The following ZNF292 variants were observed in gnomAD, a reference collection of about 807,000 sequenced individuals.
The protein encoded by ZNF292 is 16 zinc-finger domain protein.
Under a neutral mutation model 217.9 loss-of-function variants are expected in ZNF292, and 26 were observed. The ratio of observed to expected loss-of-function variants is 0.12; its 90% CI spans 0.09 to 0.17. The LOEUF (loss-of-function observed/expected upper bound fraction) is 0.17, where lower values mean the gene tolerates loss of function less well. Ranked by LOEUF, ZNF292 falls within the 10% of genes least tolerant of loss-of-function variation. The pLI is 1.00. For synonymous variants in ZNF292, 1,257 were observed against 1,124.1 expected, an observed-to-expected ratio of 1.12 and a Z score of -2.37; for missense variants, 2,904 against 3,175.2, an observed-to-expected ratio of 0.91 and a Z score of 2.05.
At chr6:87,192,536 C>G (rs1017074250) in intron 1 of ZNF292, among the ~76,000 whole-genome samples, 7 of 152,138 alleles carry the variant, frequency 4.6e-5, no homozygotes, top group Non-Finnish European at 1.0e-4. Context: ...CTTCCACATA[C>G]CCAGACCCCT....
intron 5 of ZNF292, among the ~76,000 whole-genome samples, chr6:87,242,455 C>T (rs1174190684): frequency 6.6e-6 from 1 of 152,152 alleles, no homozygotes; most frequent in Non-Finnish European, 1.5e-5. Flanking sequence ...CCCGCATTCT[C>T]CATTTACATG....
At chr6:87,170,447 A>T (rs1293642833) in intron 1 of ZNF292, 3 of 152,228 alleles carry the variant, frequency 2.0e-5, no homozygotes, top group Non-Finnish European at 2.9e-5. Context: ...TTCTTTAGTA[A>T]TTAAGAATTA....
intron 1 of ZNF292, among the ~76,000 whole-genome samples, chr6:87,160,904 A>G (rs1332761831): frequency 6.6e-6 from 1 of 152,166 alleles, no homozygotes; most frequent in Admixed American, 6.5e-5. Flanking sequence ...AACAAATGAA[A>G]GCGTAATTCC....
At chr6:87,174,628 AG>A (rs1261772620) in intron 1 of ZNF292, among the ~76,000 whole-genome samples, 1 of 152,038 alleles carries the variant, frequency 6.6e-6, no homozygotes, top group Non-Finnish European at 1.5e-5. Flanking sequence ...CTTGTCCTAG[AG>A]TCATAATAAA....
Position 87,256,507 on chromosome 6 carries a change from G to A in ZNF292, c.2878G>A (p.Glu960Lys), listed in dbSNP as rs775690745. 8.1e-6 allele frequency: 13 copies of A among 1,612,454 alleles called. No homozygotes were observed. The highest frequency in any genetic ancestry group is 1.1e-5 in the Non-Finnish European group (13 of 1,179,830). The change falls in exon 8 of 8, where the codon GAA becomes AAA. Residue 960 changes from glutamate (E) to lysine (K), a missense_variant. Glu to Lys is a moderately conservative substitution (Grantham distance 56, BLOSUM62 1). Around this residue, in one of 15 missense-constraint regions of ZNF292, gnomAD observed 687 missense variants for 623.0 expected, o/e 1.10. Transcript: ENST00000369577. ...NFGKQENSTV[E>K]GSGEALVTDL... ...TGGAAAGCAAGAAAACTCAACTGTG[G>A]AAGGCAGTGGTGAAGCACTGGTCAC...
chr6:87,210,615 A>G lies in ZNF292; in HGVS notation c.169-5288A>G, dbSNP rs149510831. 9.7e-3 allele frequency among the ~76,000 whole-genome samples: 1,475 copies of G among 152,158 alleles called. 18 individuals are homozygous for G. The highest frequency in any genetic ancestry group is 0.034 in the African/African-American group (1,392 of 41,494). On this transcript the variant is annotated intron_variant, in intron 1 of 7. Transcript: ENST00000369577. Reference sequence around the variant, plus strand: ...GCTGACAAGGTGAAACGCCGTCTCTACTAAAAATACAAAAAGTAGCCAGGC... The same window carrying G: ...GCTGACAAGGTGAAACGCCGTCTCTGCTAAAAATACAAAAAGTAGCCAGGC...
intron 4 of ZNF292, among the ~76,000 whole-genome samples, chr6:87,232,287 C>T (rs558014499): frequency 1.3e-5 from 2 of 152,128 alleles, no homozygotes; most frequent in South Asian, 4.1e-4. Flanking sequence ...AATGAAAGTA[C>T]TAGAGGGAAA....
In ZNF292 at chr6:87,157,791, C is replaced by T. The variant is rs185164741; in HGVS notation, c.168+2032C>T. The stretch of plus-strand genomic sequence containing the variant: ...GCAGCCTCCATCTCCTGGGTTCAAG[C>T]GATTTTCCTGCCTCAGCTTCCCAAG... On this transcript the variant is annotated intron_variant, in intron 1 of 7. Transcript: ENST00000369577. Among the ~76,000 whole-genome samples, 39 of 152,286 alleles carry T rather than the reference C, an allele frequency of 2.6e-4. No individual in the cohort carries two copies. In the East Asian group the frequency reaches 6.2e-3, roughly 24 times the overall value.
At chr6:87,233,935 C>T (rs1314857531) in intron 5 of ZNF292, among the ~76,000 whole-genome samples, 2 of 152,106 alleles carry the variant, frequency 1.3e-5, no homozygotes, top group Non-Finnish European at 2.9e-5. Flanking sequence ...AATACTTTGT[C>T]ATATAAATTC....
intron 5 of ZNF292, among the ~76,000 whole-genome samples, chr6:87,237,563 T>G (rs1193286822): frequency 6.6e-6 from 1 of 152,186 alleles, no homozygotes; most frequent in Non-Finnish European, 1.5e-5. Flanking sequence ...TGAAATGTGA[T>G]TACAGCCAAT....
chr6:87,215,294 T>G (rs532132822), intron 1 of ZNF292, among the ~76,000 whole-genome samples: 1 of 152,204 alleles, frequency 6.6e-6, no homozygotes, highest in South Asian at 2.1e-4. Flanking sequence ...TATTTTTAAT[T>G]AAAAAAACAC....
At chr6:87,160,507 G>GTGTGTGTGTGTT (rs1168974002) in intron 1 of ZNF292, among the ~76,000 whole-genome samples, 1 of 127,978 alleles carries the variant, frequency 7.8e-6, no homozygotes, top group African/African-American at 2.8e-5. Context: ...GTGTGTGTGT[G>GTGTGTGTGTGTT]TGTGTGTATA....
chr6:87,202,971 A>G (rs529745565), intron 1 of ZNF292, among the ~76,000 whole-genome samples: 1 of 152,206 alleles, frequency 6.6e-6, no homozygotes, highest in East Asian at 1.9e-4. Flanking sequence ...GTATATGTAG[A>G]GTTCACTACT....
In ZNF292 at chr6:87,259,308, A is replaced by C. The variant is rs201065528; in HGVS notation, c.5679A>C (p.Gln1893His). The C allele has an allele frequency of 6.2e-7, 1 of 1,613,628 alleles. No individual in the cohort carries two copies. The change falls in exon 8 of 8, where the codon CAA becomes CAC. Residue 1893 changes from glutamine to histidine, a missense_variant. Transcript: ENST00000369577. ...CAGTTTCTGAAATGATAAACATTCA[A>C]TTTAATGACAAAGTTAATAAACCCT... ...IQPVSEMINI[Q>H]FNDKVNKPFV... is the part of the protein sequence containing the mutation.
intron 1 of ZNF292, among the ~76,000 whole-genome samples, chr6:87,213,117 A>G (rs1184491065): frequency 6.6e-6 from 1 of 152,176 alleles, no homozygotes; most frequent in Non-Finnish European, 1.5e-5. Flanking sequence ...GGGGAATTCA[A>G]TGGACTTGAA....
Position 87,261,275 on chromosome 6 carries a change from A to C in ZNF292, c.7646A>C (p.Lys2549Thr), listed in dbSNP as rs766901551. 9 of 1,611,514 alleles carry C rather than the reference A, an allele frequency of 5.6e-6. No individual in the cohort carries two copies. In the Admixed American group the frequency reaches 1.3e-4, roughly 24 times the overall value. The change falls in exon 8 of 8, where the codon AAA becomes ACA. Residue 2549 changes from lysine to threonine, a missense_variant. This residue lies in a region of ZNF292 where 380 missense variants were observed against 355.3 expected (regional missense o/e 1.07). Coordinates refer to ENST00000369577, the MANE Select transcript of ZNF292 (RefSeq NM_015021.3). ...VSQNKKRKVE[K>T]AEPASAAELS... ...CAAAATAAAAAAAGGAAAGTTGAAA[A>C]AGCTGAACCAGCATCAGCAGCTGAG...
intron 1 of ZNF292, among the ~76,000 whole-genome samples, chr6:87,177,156 C>G (rs1039806693): frequency 6.6e-6 from 1 of 152,006 alleles, no homozygotes; most frequent in Non-Finnish European, 1.5e-5. Context: ...GGTGAAAACC[C>G]GTCTTTACTA....
At chr6:87,243,404 C>T (rs1170165616) in intron 5 of ZNF292, 71 bp from the exon 6 acceptor site, 1 of 1,198,258 alleles carries the variant, frequency 8.3e-7, no homozygotes, top group Non-Finnish European at 1.1e-6. Flanking sequence ...TTAATGAAAA[C>T]TAAAGGTATA....
In ZNF292 at chr6:87,243,630, TTTTA is replaced by T. The variant is rs758446369; in HGVS notation, c.878+20_878+23del. Reference sequence around the variant, plus strand: ...GCGCTTGGTGAGTTGATCTTTTTTTTTTTAAAGAAATATTTGTTAAATAAGAATG... The same window carrying T: ...GCGCTTGGTGAGTTGATCTTTTTTTTAAGAAATATTTGTTAAATAAGAATG... On this transcript the variant is annotated intron_variant, in intron 6 of 7. Coordinates refer to ENST00000369577, the MANE Select transcript of ZNF292 (RefSeq NM_015021.3). 35 of 1,448,042 alleles carry T rather than the reference TTTTA, an allele frequency of 2.4e-5. 1 individual carries two copies. Among genetic ancestry groups the T allele is most frequent in the Middle Eastern group, 3.6e-4 (2 of 5,548 alleles). 89.7% of individuals were successfully genotyped at this position (1,448,042 alleles called of 1,614,324 possible).
Sources: gnomAD v4.1 joint callset for allele counts (sites outside exome capture counted in the v4.1 genomes callset) on GRCh38, gnomAD v4.1.1 for gene constraint, gnomAD v4.1.1 regional missense constraint, MANE v1.5 for transcripts, NCBI Gene and HGNC (gene_info 2026-07-23, HGNC 2026-07-21) for gene names.